The following SLC19A3 variants were observed in gnomAD, a reference collection of about 807,000 sequenced individuals.
SLC19A3 encodes solute carrier family 19 member 3, also known as thiamine transporter 2.
In SLC19A3, 31 loss-of-function variants were observed where a neutral mutation model predicts 40.2. That is an observed-to-expected ratio of 0.77 (90% CI 0.58 to 1.04). The LOEUF is 1.04. Among genes scored for constraint, SLC19A3 ranks in the 50% least tolerant of loss-of-function variants. The pLI is 0.00. For missense variants in SLC19A3, 592 were observed against 596.7 expected, an observed-to-expected ratio of 0.99 and a Z score of 0.08; for synonymous variants, 212 against 227.5, an observed-to-expected ratio of 0.93 and a Z score of 0.61.
rs34507036 is a variant in SLC19A3, at chr2:227,696,012, A to G, written c.1049T>C (p.Val350Ala). 0.024 allele frequency: 38,918 copies of G among 1,614,086 alleles called. 2,926 individuals are homozygous for G. The African/African-American group carries it at 0.27, about 11-fold the overall frequency. Reference protein sequence around the residue: ...NWDLLGELALVVFSVVNAGSL... With the variant: ...NWDLLGELALAVFSVVNAGSL... The stretch of plus-strand genomic sequence containing the variant: ...ACCGGCATTGACAACTGAGAAGACC[A>G]CCAGAGCCAGCTCTCCCAGAAGGTC... The change falls in exon 4 of 6, where the codon GTG (valine) becomes GCG (alanine). Residue 350 changes from valine (V) to alanine (A), a missense_variant. Coordinates refer to ENST00000644224, the MANE Select transcript of SLC19A3 (RefSeq NM_025243.4).
chr2:227,714,621 A>G (rs1696264556), intron 1 of SLC19A3: 2 of 982,068 alleles, frequency 2.0e-6, no homozygotes, highest in African/African-American at 3.6e-5. Context: ...ATAGCTTTAT[A>G]CGCAGAAGCC....
Position 227,702,257 on chromosome 2 carries a change from A to G in SLC19A3, c.62T>C (p.Leu21Ser), listed in dbSNP as rs976521434. 6.2e-7 allele frequency: 1 copy of G among 1,613,912 alleles called. No homozygotes were observed. The highest frequency in any genetic ancestry group is 8.5e-7 in the Non-Finnish European group (1 of 1,179,832). Residue 21 changes from leucine to serine, a missense_variant, in exon 2 of 6, where the codon TTA becomes TCA. Transcript: ENST00000644224. Reference protein sequence around the residue: ...SWIYPTVILCLFGFFSMMRPS... With the variant: ...SWIYPTVILCSFGFFSMMRPS... The stretch of plus-strand genomic sequence containing the variant: ...TCTCATCATGGAGAAAAAACCAAAT[A>G]AGCAGAGGATCACAGTGGGGTAAAT...
At chr2:227,687,643 A>C (rs1274458474) in intron 5 of SLC19A3, 70 bp from the exon 6 acceptor site, 2 of 1,533,314 alleles carry the variant, frequency 1.3e-6, no homozygotes, top group Non-Finnish European at 1.8e-6. Context: ...ACATCCTAAT[A>C]CTGTTGGTTT....
chr2:227,707,578 T>G (rs1695992821), intron 1 of SLC19A3, among the ~76,000 whole-genome samples: 1 of 151,830 alleles, frequency 6.6e-6, no homozygotes, highest in South Asian at 2.1e-4. Flanking sequence ...CAAGACCCTG[T>G]TCTCAAAAAA....
intron 1 of SLC19A3, among the ~76,000 whole-genome samples, chr2:227,716,079 G>A (rs1185974819): frequency 6.6e-6 from 1 of 152,074 alleles, no homozygotes. Context: ...AGAGAAGGTG[G>A]TGTTGTAGGG....
chr2:227,704,550 A>G (rs542606258), intron 1 of SLC19A3, among the ~76,000 whole-genome samples: 65 of 152,312 alleles, frequency 4.3e-4, no homozygotes, highest in Non-Finnish European at 8.5e-4. Flanking sequence ...TTTAACAAAC[A>G]TCAGAGCCTG....
chr2:227,715,730 C>T lies in SLC19A3; in HGVS notation c.-3+2213G>A, dbSNP rs147265585. Among the ~76,000 whole-genome samples the T allele has an allele frequency of 2.4e-3, 362 of 152,076 alleles. 7 individuals are homozygous for T. The highest frequency in any genetic ancestry group is 0.02 in the Admixed American group (303 of 15,262). ...CCATAAAACTAAGAAAAACATAAAA[C>T]GGCTTAGAAAGTCAACTGAGCCCAG... On this transcript the variant is annotated intron_variant, in intron 1 of 5. Transcript: ENST00000644224.
intron 1 of SLC19A3, among the ~76,000 whole-genome samples, chr2:227,717,553 C>T (rs1472017356): frequency 6.6e-6 from 1 of 152,208 alleles, no homozygotes; most frequent in African/African-American, 2.4e-5. Flanking sequence ...AATTCAAACT[C>T]ACCTTCCTTT....
At chr2:227,699,867 C>G (rs568559811) in intron 2 of SLC19A3, among the ~76,000 whole-genome samples, 1 of 152,146 alleles carries the variant, frequency 6.6e-6, no homozygotes, top group Admixed American at 6.5e-5. Context: ...TTTTTGGACA[C>G]TTCTAAGATT....
intron 1 of SLC19A3, chr2:227,714,570 A>G: frequency 1.0e-6 from 1 of 985,218 alleles, no homozygotes; most frequent in Non-Finnish European, 1.2e-6. Flanking sequence ...CATACCCTGG[A>G]GTCTCTTGTC....
Position 227,717,949 on chromosome 2 carries a change from A to G in SLC19A3, c.-9T>C, listed in dbSNP as rs1356008898. 2.5e-5 allele frequency: 25 copies of G among 984,936 alleles called. No individual in the cohort carries two copies. In the Admixed American group the frequency reaches 1.5e-3, roughly 61 times the overall value. 61.0% of individuals were successfully genotyped at this position (984,936 alleles called of 1,614,324 possible). A position where few individuals can be genotyped will look rare whatever the true frequency, so the allele number is the denominator to read the frequency against. Reference sequence around the variant, plus strand: ...CCCCCCGAGATATTCTTACCTACAGAAGGGAGTGTCTGTTCACCAAATCGC... The same window carrying G: ...CCCCCCGAGATATTCTTACCTACAGGAGGGAGTGTCTGTTCACCAAATCGC... On this transcript the variant is annotated 5_prime_UTR_variant, in exon 1 of 6. Transcript: ENST00000644224.
In SLC19A3 at chr2:227,703,511, G is replaced by A. The variant is rs1283771913; in HGVS notation, c.-2-1191C>T. ...GATTAAGCAGTGGAGAGACAAGAGC[G>A]ATCAGATTTTGAAACTAGGATTACA... On this transcript the variant is annotated intron_variant, in intron 1 of 5. Transcript: ENST00000644224. This position sits in a 1 kb window ranked among gnomAD's most constrained non-coding sequence, Gnocchi z 4.7. 6.6e-6 allele frequency among the ~76,000 whole-genome samples: 1 copy of A among 152,156 alleles called. No individual in the cohort carries two copies.
intron 3 of SLC19A3, among the ~76,000 whole-genome samples, chr2:227,697,577 T>C (rs779955348): frequency 3.9e-5 from 6 of 152,198 alleles, no homozygotes; most frequent in Non-Finnish European, 7.3e-5. Context: ...AAATCCTGTA[T>C]TAACAAAACC....
At position 227,705,716 on chromosome 2, in the gene SLC19A3, G is replaced by A. The variant is rs576844330; in HGVS notation, c.-2-3396C>T. 4.0e-5 allele frequency among the ~76,000 whole-genome samples: 6 copies of A among 151,006 alleles called. No homozygotes were observed. The South Asian group carries it at 1.0e-3, about 26-fold the overall frequency. ...GAACAACATGCCCTCGGGTCTGTCG[G>A]GGAAATGGGGAGGCGGGGGAGGAAG... On this transcript the variant is annotated intron_variant, in intron 1 of 5. Coordinates refer to ENST00000644224, the MANE Select transcript of SLC19A3 (RefSeq NM_025243.4).
In SLC19A3 at chr2:227,705,434, C is replaced by T. The variant is rs1028770197; in HGVS notation, c.-2-3114G>A. 5.2e-3 allele frequency among the ~76,000 whole-genome samples: 611 copies of T among 117,556 alleles called. 6 individuals carry two copies. Among genetic ancestry groups the T allele is most frequent in the African/African-American group, 0.021 (580 of 27,258 alleles). 77.1% of individuals were successfully genotyped at this position (117,556 alleles called of 152,430 possible). ...TGGACAACATAGCGAGGCCCTATCT[C>T]TTAAAAAAAAAAAAAAGGTATACAT... On this transcript the variant is annotated intron_variant, in intron 1 of 5. Coordinates refer to ENST00000644224, the MANE Select transcript of SLC19A3 (RefSeq NM_025243.4).
At chr2:227,687,680 C>G (rs1695070607) in intron 5 of SLC19A3, 107 bp from the exon 6 acceptor site, 1 of 1,185,260 alleles carries the variant, frequency 8.4e-7, no homozygotes, top group East Asian at 2.5e-5. Flanking sequence ...AACTGAGACC[C>G]AGGTTTTTAA....
chr2:227,706,787 C>T (rs1033805255), intron 1 of SLC19A3: 2 of 152,960 alleles, frequency 1.3e-5, no homozygotes, highest in African/African-American at 2.4e-5. Flanking sequence ...CAACAAAAGG[C>T]ACATTCCCTA....
Position 227,686,171 on chromosome 2 carries a change from T to G in SLC19A3, c.*1226A>C. On this transcript the variant is annotated 3_prime_UTR_variant, in exon 6 of 6. Transcript: ENST00000644224. ...AAGATCACGCCATTGCATTCCAGCC[T>G]GGGTGAGAGAGCGAGACTGTCTCAA... 2.2e-6 allele frequency: 1 copy of G among 445,444 alleles called. No homozygotes were observed. The highest frequency in any genetic ancestry group is 1.6e-5 in the South Asian group (1 of 62,848). 27.6% of individuals were successfully genotyped at this position (445,444 alleles called of 1,614,324 possible).
chr2:227,715,648 G>A (rs1381259114), intron 1 of SLC19A3, among the ~76,000 whole-genome samples: 1 of 152,092 alleles, frequency 6.6e-6, no homozygotes, highest in Non-Finnish European at 1.5e-5. Context: ...ATTCTGTTAT[G>A]TCTATGTTCA....
Sources: allele counts gnomAD v4.1 joint callset (sites outside exome capture counted in the v4.1 genomes callset), GRCh38; gene constraint gnomAD v4.1.1; non-coding constraint Gnocchi (gnomAD v3.1); transcripts MANE v1.5; gene names NCBI Gene and HGNC (gene_info 2026-07-23, HGNC 2026-07-21).